Variants in ANXA4 observed in about 807,000 individuals in gnomAD.
ANXA4 encodes annexin A4.
In ANXA4, 39 loss-of-function variants were observed where a neutral mutation model predicts 49.8. The ratio of observed to expected loss-of-function variants is 0.78; its 90% CI spans 0.61 to 1.02. The LOEUF (loss-of-function observed/expected upper bound fraction) is 1.02. Ranked by LOEUF, ANXA4 falls within the 50% of genes least tolerant of loss-of-function variation. The probability of loss-of-function intolerance (pLI) is 0.00; values close to 1 mark genes in which losing one functional copy is unlikely to be tolerated. For missense variants in ANXA4, 360 were observed against 410.1 expected (o/e 0.88, Z 1.05); for synonymous variants, 134 against 152.5 (o/e 0.88, Z 0.89).
intron 3 of ANXA4, among the ~76,000 whole-genome samples, chr2:69,794,182 G>A (rs1391904588): frequency 6.6e-6 from 1 of 152,214 alleles, no homozygotes; most frequent in African/African-American, 2.4e-5. Flanking sequence ...AGCAAAGCTT[G>A]GTATTTGAGG....
intron 1 of ANXA4, among the ~76,000 whole-genome samples, chr2:69,764,096 A>G (rs1360358850): frequency 6.6e-6 from 1 of 152,198 alleles, no homozygotes; most frequent in Admixed American, 6.5e-5. Context: ...TGTAACCCAT[A>G]AGAAGAGACT....
At chr2:69,700,366 A>G (rs1434663020) in intron 2 of ANXA4, 2 of 152,190 alleles carry the variant, frequency 1.3e-5, no homozygotes, top group Non-Finnish European at 2.9e-5. Context: ...GTGACACATC[A>G]AGGCTGTCTC....
At chr2:69,651,012 T>G (rs1676211649) in intron 1 of ANXA4, among the ~76,000 whole-genome samples, 1 of 152,228 alleles carries the variant, frequency 6.6e-6, no homozygotes, top group Non-Finnish European at 1.5e-5. Flanking sequence ...GGACATGTGT[T>G]TTCCTTCACA....
At chr2:69,765,350 T>C (rs1671454831) in intron 1 of ANXA4, among the ~76,000 whole-genome samples, 1 of 152,222 alleles carries the variant, frequency 6.6e-6, no homozygotes, top group Admixed American at 6.5e-5. Context: ...ACCAGCAGTG[T>C]AGAAGGGTTC....
intron 2 of ANXA4, among the ~76,000 whole-genome samples, chr2:69,701,726 C>A (rs1267805640): frequency 6.6e-6 from 1 of 152,178 alleles, no homozygotes; most frequent in Non-Finnish European, 1.5e-5. Context: ...TTCATGCTGC[C>A]AGTTTACTCC....
At chr2:69,689,974 A>G (rs1242960669) in intron 2 of ANXA4, among the ~76,000 whole-genome samples, 2 of 152,128 alleles carry the variant, frequency 1.3e-5, no homozygotes, top group Admixed American at 1.3e-4. Context: ...CTCTTTTTAG[A>G]TAAACAGTAG....
intron 1 of ANXA4, among the ~76,000 whole-genome samples, chr2:69,775,945 A>G (rs978900539): frequency 2.2e-5 from 3 of 137,958 alleles, no homozygotes; most frequent in African/African-American, 5.6e-5. Context: ...CTTCCAGGCC[A>G]TTTTATTTAT....
intron 3 of ANXA4, among the ~76,000 whole-genome samples, chr2:69,736,658 ACTT>A (rs1251472725): frequency 6.6e-6 from 1 of 152,076 alleles, no homozygotes; most frequent in Non-Finnish European, 1.5e-5. Flanking sequence ...CCATCTGAAA[ACTT>A]CTTAAGAAAA....
intron 1 of ANXA4, among the ~76,000 whole-genome samples, chr2:69,648,804 G>A (rs1447662146): frequency 1.7e-5 from 2 of 115,090 alleles, no homozygotes; most frequent in Non-Finnish European, 3.3e-5. Flanking sequence ...TGGGGAGACA[G>A]AGTAAGACTC....
chr2:69,656,245 ATATATG>A lies in ANXA4; in HGVS notation n.766+2969_766+2974del, dbSNP rs1307803440. On this transcript the variant is annotated intron_variant and non_coding_transcript_variant, in intron 2 of 3. Coordinates refer to the ANXA4 transcript ENST00000418066. ...TGTATATATGTATATATATACGTAT[ATATATG>A]TATATACGTATATATATGTATATAC... Among the ~76,000 whole-genome samples, 388 of 125,542 alleles carry A rather than the reference ATATATG, an allele frequency of 3.1e-3. 9 individuals are homozygous for A. The highest frequency in any genetic ancestry group is 9.8e-3 in the African/African-American group (367 of 37,338). 82.4% of individuals were successfully genotyped at this position (125,542 alleles called of 152,430 possible).
intron 1 of ANXA4, among the ~76,000 whole-genome samples, chr2:69,748,248 G>A (rs755436334): frequency 9.9e-5 from 15 of 151,848 alleles, no homozygotes; most frequent in South Asian, 4.2e-4. Flanking sequence ...GAATGGTGGC[G>A]GGTGCCCGTA....
rs186551619 is a variant in ANXA4, at chr2:69,736,045, G to A, written n.864+15174G>A. Reference sequence around the variant, plus strand: ...GCTGCTGTACTTATATACTCCAAAGGCACATGTTCTGAGCAAGAGAGCTAA... The same window carrying A: ...GCTGCTGTACTTATATACTCCAAAGACACATGTTCTGAGCAAGAGAGCTAA... On this transcript the variant is annotated intron_variant and non_coding_transcript_variant, in intron 3 of 3. Transcript: ENST00000418066. Among the ~76,000 whole-genome samples, 16 of 152,262 alleles carry A rather than the reference G, an allele frequency of 1.1e-4. No homozygotes were observed. In the East Asian group the frequency reaches 3.1e-3, roughly 29 times the overall value.
At chr2:69,789,512 G>A (rs962476640) in intron 3 of ANXA4, among the ~76,000 whole-genome samples, 1 of 152,166 alleles carries the variant, frequency 6.6e-6, no homozygotes, top group Non-Finnish European at 1.5e-5. Flanking sequence ...TCATGGCCAA[G>A]GAGATTGAGG....
In ANXA4 at chr2:69,812,651, A is replaced by C; in HGVS notation, c.478-2A>C. 6.2e-7 allele frequency: 1 copy of C among 1,612,728 alleles called. No individual in the cohort carries two copies. Among genetic ancestry groups the C allele is most frequent in the Non-Finnish European group, 8.5e-7 (1 of 1,179,112 alleles). ...TTTTTTATTTGTTTTTCTCATCCTC[A>C]GGGTGGGAGGGATGAAGGAAATTAT... On this transcript the variant is annotated splice_acceptor_variant, in intron 7 of 12. Coordinates refer to ENST00000394295, the MANE Select transcript of ANXA4 (RefSeq NM_001153.5). LOFTEE classifies it high-confidence loss of function.
chr2:69,779,343 C>T (rs1352090728), intron 1 of ANXA4, among the ~76,000 whole-genome samples: 1 of 152,160 alleles, frequency 6.6e-6, no homozygotes, highest in Non-Finnish European at 1.5e-5. Flanking sequence ...ACAGCAGGTT[C>T]ATTGTCTTAT....
At chr2:69,797,522 G>C (rs1476879887) in intron 3 of ANXA4, among the ~76,000 whole-genome samples, 1 of 152,162 alleles carries the variant, frequency 6.6e-6, no homozygotes, top group Non-Finnish European at 1.5e-5. Context: ...ATTTAAGCAA[G>C]GCCCCTTAAT....
chr2:69,670,680 G>A (rs1215197921), intron 2 of ANXA4, among the ~76,000 whole-genome samples: 1 of 152,002 alleles, frequency 6.6e-6, no homozygotes, highest in Middle Eastern at 3.4e-3. Context: ...GGAAAATTTG[G>A]TTATCTACGG....
chr2:69,656,810 C>G (rs1676518603), intron 2 of ANXA4, among the ~76,000 whole-genome samples: 1 of 151,732 alleles, frequency 6.6e-6, no homozygotes, highest in South Asian at 2.1e-4. Flanking sequence ...TCAGTCTCCT[C>G]AAGTGCTGAG....
At chr2:69,717,754 G>A (rs984853556) in intron 2 of ANXA4, among the ~76,000 whole-genome samples, 10 of 152,142 alleles carry the variant, frequency 6.6e-5, no homozygotes, top group African/African-American at 2.2e-4. Flanking sequence ...CCTTCCTGAT[G>A]CCTGGGACTG....
Sources: gnomAD v4.1 joint callset for allele counts (sites outside exome capture counted in the v4.1 genomes callset) on GRCh38, gnomAD v4.1.1 for gene constraint, MANE v1.5 for transcripts, NCBI Gene and HGNC (gene_info 2026-07-23, HGNC 2026-07-21) for gene names.